CREBL2: variants seen among roughly 807,000 people sequenced by gnomAD.
CREBL2 encodes cAMP-responsive element-binding protein-like 2.
In CREBL2, 4 loss-of-function variants were observed where a neutral mutation model predicts 19.5. The ratio of observed to expected loss-of-function variants is 0.20; its 90% CI spans 0.10 to 0.47. The LOEUF is 0.47. CREBL2 is among the 20% of genes least tolerant of loss of function. The pLI is 0.98. For missense variants in CREBL2, 85 were observed against 145.1 expected (o/e 0.59, Z 2.13); for synonymous variants, 42 against 46.6 (o/e 0.90, Z 0.40).
At chr12:12,632,068 CTTTTTTTTTTTTT>C (rs869253910) in intron 1 of CREBL2, among the ~76,000 whole-genome samples, 1 of 80,628 alleles carries the variant, frequency 1.2e-5, no homozygotes, top group East Asian at 4.4e-4. Flanking sequence ...CTATGCCTTT[CTTTTTTTTTTTTT>C]TTTTTTTTTT....
chr12:12,638,535 T>G (rs115779710), intron 3 of CREBL2, among the ~76,000 whole-genome samples: 1 of 152,302 alleles, frequency 6.6e-6, no homozygotes, highest in African/African-American at 2.4e-5. Context: ...CGAAATTTTA[T>G]TATTAATAGA....
rs142404101 is a variant in CREBL2, at chr12:12,641,253, A to ATTTTTTTTTTTTTTT, written c.359-732_359-731insTTTTTTTTTTTTTTT. Among the ~76,000 whole-genome samples, 27 of 78,256 alleles carry ATTTTTTTTTTTTTTT rather than the reference A, an allele frequency of 3.5e-4. 1 individual carries two copies. The highest frequency in any genetic ancestry group is 5.5e-4 in the Non-Finnish European group (22 of 39,946). The allele number at this position is 78,256 out of a possible 152,430, so 51.3% of individuals were successfully genotyped here. Reference sequence around the variant, plus strand: ...TATTATTATTATTATTATTATTATTATTTTTTTTTATTTTTTTTTTTTTTA... The same window carrying ATTTTTTTTTTTTTTT: ...TATTATTATTATTATTATTATTATTATTTTTTTTTTTTTTTTTTTTTTTTATTTTTTTTTTTTTTA... On this transcript the variant is annotated intron_variant, in intron 3 of 3. Coordinates refer to ENST00000228865, the MANE Select transcript of CREBL2 (RefSeq NM_001310.4).
rs941595723 is a variant in CREBL2, at chr12:12,642,201, C to T, written c.*203C>T. On this transcript the variant is annotated 3_prime_UTR_variant, in exon 4 of 4. Coordinates refer to ENST00000228865, the MANE Select transcript of CREBL2 (RefSeq NM_001310.4). ...TTTCAACACTTAGAAAATCTACAAA[C>T]ATTCAGACCTGTCTGGGTTGGTATT... The T allele has an allele frequency of 4.9e-6, 2 of 410,288 alleles. No individual in the cohort carries two copies. Among genetic ancestry groups the T allele is most frequent in the Admixed American group, 4.4e-5 (1 of 22,508 alleles). The allele number at this position is 410,288 out of a possible 1,614,324, so 25.4% of individuals were successfully genotyped here.
At chr12:12,618,726 T>C (rs1296890850) in intron 1 of CREBL2, among the ~76,000 whole-genome samples, 1 of 152,126 alleles carries the variant, frequency 6.6e-6, no homozygotes, top group Non-Finnish European at 1.5e-5. Context: ...GCCACTGCAC[T>C]CCAGCCTGGG....
At chr12:12,625,866 C>G (rs949844545) in intron 1 of CREBL2, among the ~76,000 whole-genome samples, 23 of 152,196 alleles carry the variant, frequency 1.5e-4, no homozygotes, top group Non-Finnish European at 2.6e-4. Flanking sequence ...TTGTATTTAT[C>G]CCTAGAGTTT....
Position 12,636,118 on chromosome 12 carries a change from A to G in CREBL2, c.213+144A>G, listed in dbSNP as rs547892807. On this transcript the variant is annotated intron_variant, in intron 2 of 3. Transcript: ENST00000228865. ...AATCTGTTAGCCAGGATGGGGGCAA[A>G]TAGGCATCTTCATACACTGCTGGTG... The G allele has an allele frequency of 2.0e-4, 152 of 754,842 alleles. No homozygotes were observed. In the Middle Eastern group the frequency reaches 2.7e-3, roughly 13 times the overall value. The allele number at this position is 754,842 out of a possible 1,614,324, so 46.8% of individuals were successfully genotyped here. A position where few individuals can be genotyped will look rare whatever the true frequency, so the allele number is the denominator to read the frequency against.
intron 1 of CREBL2, among the ~76,000 whole-genome samples, chr12:12,629,846 TTGTG>T (rs939649683): frequency 4.6e-5 from 7 of 152,084 alleles, no homozygotes; most frequent in Non-Finnish European, 1.0e-4. Context: ...AGTCCTTTTT[TTGTG>T]TGTGTGTGAG....
At chr12:12,615,024 A>AT (rs1031931829) in intron 1 of CREBL2, among the ~76,000 whole-genome samples, 8 of 150,616 alleles carry the variant, frequency 5.3e-5, no homozygotes, top group Non-Finnish European at 3.0e-5. Context: ...TGTCCGGCTA[A>AT]TTTTTTTTTG....
Position 12,637,710 on chromosome 12 carries a change from T to A in CREBL2, c.354T>A (p.Asn118Lys), listed in dbSNP as rs1269838404. Reference sequence around the variant, plus strand: ...CTGGGAAGACAGATGCTAATAGCAATTCCTGTAAGTGCCATCAATGGGAGA... The same window carrying A: ...CTGGGAAGACAGATGCTAATAGCAAATCCTGTAAGTGCCATCAATGGGAGA... ...TKAGKTDANS[N>K]SW Residue 118 changes from asparagine (N) to lysine (K), a missense_variant, in exon 3 of 4, where the codon AAT becomes AAA. Asn to Lys is a moderately conservative substitution (Grantham distance 94). Around this residue, in one of 5 missense-constraint regions of CREBL2, gnomAD observed 42 missense variants for 38.4 expected, o/e 1.09. Transcript: ENST00000228865. 1 of 1,608,852 alleles carries A rather than the reference T, an allele frequency of 6.2e-7. No individual in the cohort carries two copies. The highest frequency in any genetic ancestry group is 8.5e-7 in the Non-Finnish European group (1 of 1,178,240).
chr12:12,632,217 A>G (rs1945447312), intron 1 of CREBL2, among the ~76,000 whole-genome samples: 2 of 149,420 alleles, frequency 1.3e-5, no homozygotes, highest in Admixed American at 6.6e-5. Context: ...AGCTGGGACT[A>G]CAGGCGCCCG....
chr12:12,612,228 C>T (rs1271178653), intron 1 of CREBL2, 41 bp downstream of exon 1: 3 of 1,613,240 alleles, frequency 1.9e-6, no homozygotes, highest in Admixed American at 1.7e-5. Flanking sequence ...CTTCTTGTCG[C>T]TCAATGCTAG....
At chr12:12,616,733 A>T (rs1945314423) in intron 1 of CREBL2, among the ~76,000 whole-genome samples, 1 of 152,218 alleles carries the variant, frequency 6.6e-6, no homozygotes. Context: ...ATATACAGAC[A>T]TACACACAAA....
At chr12:12,620,258 C>T (rs995029334) in intron 1 of CREBL2, among the ~76,000 whole-genome samples, 18 of 147,830 alleles carry the variant, frequency 1.2e-4, no homozygotes, top group African/African-American at 2.0e-4. Context: ...TTTTTTGAGA[C>T]GGTCTCACTC....
In CREBL2 at chr12:12,641,912, A is replaced by G. The variant is rs939490530; in HGVS notation, c.359-82A>G. On this transcript the variant is annotated intron_variant, in intron 3 of 3. Coordinates refer to ENST00000228865, the MANE Select transcript of CREBL2 (RefSeq NM_001310.4). ...TACTGAAGATACTAAACTGAAAAAA[A>G]AAATTTATGCATCTTAAAACAGATT... The G allele has an allele frequency of 6.4e-6, 6 of 943,108 alleles. No homozygotes were observed. In the African/African-American group the frequency reaches 1.0e-4, roughly 16 times the overall value. The allele number at this position is 943,108 out of a possible 1,614,324, so 58.4% of individuals were successfully genotyped here. A position where few individuals can be genotyped will look rare whatever the true frequency, so the allele number is the denominator to read the frequency against.
At chr12:12,614,441 C>T (rs1945292673) in intron 1 of CREBL2, 2 of 154,108 alleles carry the variant, frequency 1.3e-5, no homozygotes. Flanking sequence ...TTCAATTGAA[C>T]CCAGGTACCT....
rs1945546487 is a variant in CREBL2, at chr12:12,644,097, C to T, written c.*2099C>T. On this transcript the variant is annotated 3_prime_UTR_variant, in exon 4 of 4. Coordinates refer to ENST00000228865, the MANE Select transcript of CREBL2 (RefSeq NM_001310.4). Reference sequence around the variant, plus strand: ...ATTACAGAGTCATTTGAGCTTTCTCCCCTCCCGCTAGTATCTTTACAGGAG... The same window carrying T: ...ATTACAGAGTCATTTGAGCTTTCTCTCCTCCCGCTAGTATCTTTACAGGAG... The T allele has an allele frequency of 6.6e-6, 1 of 152,574 alleles. No homozygotes were observed. Among genetic ancestry groups the T allele is most frequent in the African/African-American group, 2.4e-5 (1 of 41,426 alleles). The allele number at this position is 152,574 out of a possible 1,614,324, so 9.5% of individuals were successfully genotyped here. A position where few individuals can be genotyped will look rare whatever the true frequency, so the allele number is the denominator to read the frequency against.
rs1945269530 is a variant in CREBL2 at position 12,611,937 on chromosome 12, G to A, written c.-236G>A. Reference sequence around the variant, plus strand: ...AGAGACTGTCATGGAGGGGGAGGAGGAGGCGGCGGCGGCGAAGGGAGGCGT... The same window carrying A: ...AGAGACTGTCATGGAGGGGGAGGAGAAGGCGGCGGCGGCGAAGGGAGGCGT... On this transcript the variant is annotated 5_prime_UTR_variant, in exon 1 of 4. Transcript: ENST00000228865. The A allele has an allele frequency of 1.6e-5, 9 of 580,596 alleles. No individual in the cohort carries two copies. Among genetic ancestry groups the A allele is most frequent in the Admixed American group, 3.3e-5 (1 of 30,624 alleles). The allele number at this position is 580,596 out of a possible 1,614,324, so 36.0% of individuals were successfully genotyped here.
chr12:12,621,523 C>CAAAA (rs61201510), intron 1 of CREBL2, among the ~76,000 whole-genome samples: 9 of 64,864 alleles, frequency 1.4e-4, no homozygotes, highest in South Asian at 5.0e-4. Context: ...CGTCTCAAAC[C>CAAAA]AAAAAAAAAA....
In CREBL2 at chr12:12,643,395, A is replaced by G. The variant is rs2136309276; in HGVS notation, c.*1397A>G. The G allele has an allele frequency of 6.5e-6, 1 of 152,706 alleles. No individual in the cohort carries two copies. Among genetic ancestry groups the G allele is most frequent in the South Asian group, 2.1e-4 (1 of 4,826 alleles). The allele number at this position is 152,706 out of a possible 1,614,324, so 9.5% of individuals were successfully genotyped here. A position where few individuals can be genotyped will look rare whatever the true frequency, so the allele number is the denominator to read the frequency against. Reference sequence around the variant, plus strand: ...TTCTCTTTCCCATGGTTAAAACAGGAGTTGTGTTCTCTGTCGCTGCTAAAT... The same window carrying G: ...TTCTCTTTCCCATGGTTAAAACAGGGGTTGTGTTCTCTGTCGCTGCTAAAT... On this transcript the variant is annotated 3_prime_UTR_variant, in exon 4 of 4. Transcript: ENST00000228865.
Sources: gnomAD v4.1 joint callset for allele counts (sites outside exome capture counted in the v4.1 genomes callset) on GRCh38, gnomAD v4.1.1 for gene constraint, gnomAD v4.1.1 regional missense constraint, MANE v1.5 for transcripts, NCBI Gene and HGNC (gene_info 2026-07-23, HGNC 2026-07-21) for gene names.